The following IQGAP1 variants were observed in gnomAD, a reference collection of about 807,000 sequenced individuals.
The protein encoded by IQGAP1 is IQ motif containing GTPase activating protein 1.
In IQGAP1, 66 loss-of-function variants were observed where a neutral mutation model predicts 215.6. The ratio of observed to expected loss-of-function variants is 0.31; its 90% CI spans 0.25 to 0.38. The LOEUF (loss-of-function observed/expected upper bound fraction) is 0.38. Ranked by LOEUF, IQGAP1 falls within the 10% of genes least tolerant of loss-of-function variation. The pLI is 1.00. For missense variants in IQGAP1, 1,712 were observed against 1,997.1 expected (o/e 0.86, Z 2.72); for synonymous variants, 772 against 728.7 (o/e 1.06, Z -0.96).
intron 2 of IQGAP1, among the ~76,000 whole-genome samples, chr15:90,421,725 C>T (rs1965139389): frequency 6.6e-6 from 1 of 152,152 alleles, no homozygotes; most frequent in Non-Finnish European, 1.5e-5. Flanking sequence ...GAGACTTGCT[C>T]TGCTGTTGCC....
chr15:90,497,208 C>A, intron 36 of IQGAP1, 24 bp from the exon 37 acceptor site: 2 of 1,184,550 alleles, frequency 1.7e-6, no homozygotes, highest in Non-Finnish European at 2.5e-6. Context: ...AAAACCATAC[C>A]CTTACGATGT....
intron 8 of IQGAP1, among the ~76,000 whole-genome samples, 170 bp from the exon 9 acceptor site, chr15:90,443,224 G>C (rs1965477578): frequency 6.6e-6 from 1 of 152,184 alleles, no homozygotes; most frequent in African/African-American, 2.4e-5. Flanking sequence ...GCCTTCCAAA[G>C]CACTGGGATT....
At chr15:90,461,525 C>A (rs1965761339) in intron 15 of IQGAP1, among the ~76,000 whole-genome samples, 1 of 152,194 alleles carries the variant, frequency 6.6e-6, no homozygotes, top group Non-Finnish European at 1.5e-5. Flanking sequence ...TCCTCAAGAA[C>A]TCATTTTATA....
At chr15:90,441,327 G>T (rs1965446246) in intron 7 of IQGAP1, among the ~76,000 whole-genome samples, 179 bp from the exon 8 acceptor site, 1 of 152,096 alleles carries the variant, frequency 6.6e-6, no homozygotes, top group Non-Finnish European at 1.5e-5. Flanking sequence ...GTAAGGAAGA[G>T]GCTAGGCTCA....
At chr15:90,436,419 G>A (rs1364732613) in intron 5 of IQGAP1, among the ~76,000 whole-genome samples, 1 of 152,192 alleles carries the variant, frequency 6.6e-6, no homozygotes, top group Non-Finnish European at 1.5e-5. Flanking sequence ...ATAAGGGACT[G>A]TGGACCTGTA....
intron 33 of IQGAP1, among the ~76,000 whole-genome samples, chr15:90,488,838 C>T (rs1232259606): frequency 6.6e-6 from 1 of 152,046 alleles, no homozygotes; most frequent in Non-Finnish European, 1.5e-5. Flanking sequence ...GACTACATGT[C>T]TAGAATGGAG....
At position 90,499,992 on chromosome 15, in the gene IQGAP1, T is replaced by A; in HGVS notation, c.4861-3T>A. The A allele has an allele frequency of 6.8e-7, 1 of 1,464,824 alleles. No homozygotes were observed. Among genetic ancestry groups the A allele is most frequent in the South Asian group, 1.1e-5 (1 of 88,948 alleles). The allele number at this position is 1,464,824 out of a possible 1,614,324, so 90.7% of individuals were successfully genotyped here. On this transcript the variant is annotated splice_region_variant and splice_polypyrimidine_tract_variant and intron_variant, in intron 37 of 37. Coordinates refer to ENST00000268182, the MANE Select transcript of IQGAP1 (RefSeq NM_003870.4). ...GTTTTGTTTTGTTTTGTTTTGTTAA[T>A]AGGACCTGCTGCAGCTACAGTATGA... is the stretch of plus-strand genomic sequence containing the variant.
In IQGAP1 at chr15:90,449,623, C is replaced by T; in HGVS notation, c.1142C>T (p.Ala381Val). The stretch of plus-strand genomic sequence containing the variant: ...TCTGGAGTGGATGCTGCAAACAGTG[C>T]TGCCCAGCAATATCAGAGAAGTAAG... Reference protein sequence around the residue: ...LQSGVDAANSAAQQYQRRLAA... With the variant: ...LQSGVDAANSVAQQYQRRLAA... The change falls in exon 11 of 38, where the codon GCT becomes GTT. Residue 381 changes from alanine (A) to valine (V), a missense_variant. Around this residue, in one of 2 missense-constraint regions of IQGAP1, gnomAD observed 1,021 missense variants for 1,074.2 expected, o/e 0.95. Transcript: ENST00000268182. The T allele has an allele frequency of 1.9e-6, 3 of 1,612,274 alleles. No homozygotes were observed. The highest frequency in any genetic ancestry group is 2.5e-6 in the Non-Finnish European group (3 of 1,179,168).
chr15:90,456,893 A>AT (rs1467984586), intron 15 of IQGAP1, among the ~76,000 whole-genome samples: 6 of 139,476 alleles, frequency 4.3e-5, no homozygotes, highest in Admixed American at 7.2e-5. Context: ...GTCTCAAAAA[A>AT]ATATATATAT....
At position 90,484,298 on chromosome 15, in the gene IQGAP1, C is replaced by T. The variant is rs551986298; in HGVS notation, c.3867C>T (p.Thr1289=). The change falls in exon 30 of 38, where the codon ACC becomes ACT. Residue 1289 remains threonine, a synonymous_variant. Coordinates refer to ENST00000268182, the MANE Select transcript of IQGAP1 (RefSeq NM_003870.4). ...FNVDEYSDLV[T]LTKPVIYISI... is the part of the protein sequence containing the mutation. ...TGGATGAGTACTCTGATTTAGTAAC[C>T]CTCACCAAACCAGTAATCTACATTT... 41 of 1,612,346 alleles carry T rather than the reference C, an allele frequency of 2.5e-5. No individual in the cohort carries two copies. The African/African-American group carries it at 5.5e-4, about 22-fold the overall frequency.
chr15:90,469,468 G>T (rs1965875915), intron 18 of IQGAP1, among the ~76,000 whole-genome samples: 1 of 152,154 alleles, frequency 6.6e-6, no homozygotes, highest in Admixed American at 6.5e-5. Context: ...TACCCTTCCA[G>T]TGTTTCATCT....
At chr15:90,393,343 TATC>T (rs774720933) in intron 2 of IQGAP1, 2 of 152,220 alleles carry the variant, frequency 1.3e-5, no homozygotes, top group African/African-American at 2.4e-5. Flanking sequence ...CTAGATTACT[TATC>T]ATACCTCTAG....
chr15:90,498,981 C>G (rs1046031444), intron 37 of IQGAP1, among the ~76,000 whole-genome samples: 6 of 152,178 alleles, frequency 3.9e-5, no homozygotes, highest in African/African-American at 1.4e-4. Context: ...CAACGCCCAG[C>G]TAATTTTTGT....
At chr15:90,440,459 G>T (rs764503791) in intron 6 of IQGAP1, 43 bp from the exon 7 acceptor site, 2 of 1,332,492 alleles carry the variant, frequency 1.5e-6, no homozygotes, top group South Asian at 1.3e-5. Context: ...GGTTATGGAA[G>T]GGTGCTTAGC....
chr15:90,407,865 C>G (rs1035230562), intron 2 of IQGAP1, among the ~76,000 whole-genome samples: 4 of 152,122 alleles, frequency 2.6e-5, no homozygotes, highest in Admixed American at 6.5e-5. Context: ...ACAGTCCTGC[C>G]CTTAGGAGCT....
chr15:90,497,837 A>G (rs1393716170), intron 37 of IQGAP1, among the ~76,000 whole-genome samples: 2 of 152,152 alleles, frequency 1.3e-5, no homozygotes, highest in African/African-American at 4.8e-5. Context: ...TTTTATTTTG[A>G]AATATCTGAT....
At chr15:90,472,798 C>T in intron 18 of IQGAP1, 42 bp from the exon 19 acceptor site, 1 of 1,563,732 alleles carries the variant, frequency 6.4e-7, no homozygotes, top group Non-Finnish European at 8.7e-7. Context: ...TGCATCCATT[C>T]TTGCCTGTGA....
intron 34 of IQGAP1, 29 bp from the exon 35 acceptor site, chr15:90,492,516 T>G: frequency 6.4e-7 from 1 of 1,569,638 alleles, no homozygotes; most frequent in Non-Finnish European, 8.6e-7. Context: ...ACTGTCGTTA[T>G]TTTTCTAACT....
chr15:90,396,653 T>C (rs1964724469), intron 2 of IQGAP1, among the ~76,000 whole-genome samples: 2 of 152,140 alleles, frequency 1.3e-5, no homozygotes, highest in South Asian at 2.1e-4. Flanking sequence ...CCATTCTTTT[T>C]TCGGATATTA....
Sources: allele counts gnomAD v4.1 joint callset (sites outside exome capture counted in the v4.1 genomes callset), GRCh38; gene constraint gnomAD v4.1.1; regional missense constraint gnomAD v4.1.1; transcripts MANE v1.5; gene names NCBI Gene and HGNC (gene_info 2026-07-23, HGNC 2026-07-21).